RASEF: variants seen among roughly 807,000 people sequenced by gnomAD.
RASEF encodes the protein ras and EF-hand domain-containing protein.
Under a neutral mutation model 90.1 loss-of-function variants are expected in RASEF, and 68 were observed. The observed-to-expected ratio is 0.75, with a 90% CI of 0.62 to 0.92. The LOEUF (loss-of-function observed/expected upper bound fraction) is 0.92. Among genes scored for constraint, RASEF ranks in the 40% least tolerant of loss-of-function variants. RASEF has a pLI of 0.00. For synonymous variants in RASEF, 331 were observed against 345.2 expected (o/e 0.96, Z 0.46); for missense variants, 949 against 937.2 (o/e 1.01, Z -0.16).
intron 1 of RASEF, among the ~76,000 whole-genome samples, chr9:83,036,883 T>C (rs1174637170): frequency 6.6e-6 from 1 of 152,084 alleles, no homozygotes; most frequent in African/African-American, 2.4e-5. Context: ...CATCTTCGTT[T>C]TTTTGTTTTT....
At chr9:83,191,991 G>A in the RASEF span, among the ~76,000 whole-genome samples, 1,944 of 152,132 alleles carry the variant, frequency 0.013, 41 homozygotes, top group African/African-American at 0.044. Flanking sequence ...AATGCAAATC[G>A]AAACCACAAT....
chr9:82,983,107 CCACACACA>C lies in RASEF; in HGVS notation c.2118-333_2118-326del, dbSNP rs10539196. On this transcript the variant is annotated intron_variant, in intron 16 of 16. Coordinates refer to ENST00000376447, the MANE Select transcript of RASEF (RefSeq NM_152573.4). Reference sequence around the variant, plus strand: ...CAGCACCTGTTTTCTGAGTACCAGGCCACACACACACACACACACACACACACACACAC... The same window carrying C: ...CAGCACCTGTTTTCTGAGTACCAGGCCACACACACACACACACACACACAC... 6.6e-3 allele frequency among the ~76,000 whole-genome samples: 852 copies of C among 128,582 alleles called. 6 individuals carry two copies. Among genetic ancestry groups the C allele is most frequent in the Middle Eastern group, 0.016 (4 of 256 alleles). 84.4% of individuals were successfully genotyped at this position (128,582 alleles called of 152,430 possible).
At chr9:83,078,469 C>G in the RASEF span, among the ~76,000 whole-genome samples, 1 of 152,114 alleles carries the variant, frequency 6.6e-6, no homozygotes, top group East Asian at 1.9e-4. Flanking sequence ...GAGTTCAAGA[C>G]CAGCCTGGCC....
chr9:83,034,586 T>C (rs761553425), intron 1 of RASEF, among the ~76,000 whole-genome samples: 3 of 152,188 alleles, frequency 2.0e-5, no homozygotes, highest in Non-Finnish European at 4.4e-5. Flanking sequence ...TTGCTTCCTA[T>C]TTTCAATCAC....
At position 82,982,776 on chromosome 9, in the gene RASEF, C is replaced by T. The variant is rs1828635375; in HGVS notation, c.2124G>A (p.Val708=). Reference sequence around the variant, plus strand: ...TGTCATCCTTGTCAGTTCTCTTTTTCACTTCTCTGAGACAGAGATAGAGAG... The same window carrying T: ...TGTCATCCTTGTCAGTTCTCTTTTTTACTTCTCTGAGACAGAGATAGAGAG... ...VEAVLHLARE[V]KKRTDKDDSR... The change falls in exon 17 of 17, where the codon GTG becomes GTA. Residue 708 remains valine, a synonymous_variant. Transcript: ENST00000376447. 1.3e-6 allele frequency: 2 copies of T among 1,573,426 alleles called. No homozygotes were observed. Among genetic ancestry groups the T allele is most frequent in the South Asian group, 2.2e-5 (2 of 90,076 alleles).
At chr9:83,019,287 T>C (rs1829400849) in intron 3 of RASEF, among the ~76,000 whole-genome samples, 1 of 152,100 alleles carries the variant, frequency 6.6e-6, no homozygotes, top group Non-Finnish European at 1.5e-5. Context: ...AAACTGTATT[T>C]GTAATGAGCC....
chr9:83,206,988 G>T, the RASEF span, among the ~76,000 whole-genome samples: 15 of 152,122 alleles, frequency 9.9e-5, no homozygotes, highest in African/African-American at 3.4e-4. Context: ...CCCTCCTGGA[G>T]ATATGACACC....
chr9:83,144,856 C>T, the RASEF span, among the ~76,000 whole-genome samples: 31 of 152,156 alleles, frequency 2.0e-4, no homozygotes, highest in Admixed American at 3.3e-4. Flanking sequence ...ATCAGTTATA[C>T]ATTTTAAATC....
the RASEF span, among the ~76,000 whole-genome samples, chr9:83,134,449 C>CATAT: frequency 0.013 from 1,859 of 139,228 alleles, 44 homozygotes; most frequent in African/African-American, 0.044. Flanking sequence ...CACACACACA[C>CATAT]ATATATATAT....
chr9:83,062,630 GCCGCCCCCC>G lies in RASEF; in HGVS notation c.229_237del (p.Gly77_Arg79del). ...GGATCCAGAGGACCCCAGTCCCGGC[GCCGCCCCCC>G]GCGGAGGGACCCGAGGAAGCCACGC... is the stretch of plus-strand genomic sequence containing the variant. On this transcript the variant is annotated inframe_deletion, in exon 1 of 17. Coordinates refer to ENST00000376447, the MANE Select transcript of RASEF (RefSeq NM_152573.4). The G allele has an allele frequency of 6.4e-7, 1 of 1,552,400 alleles. No homozygotes were observed. Among genetic ancestry groups the G allele is most frequent in the Non-Finnish European group, 8.7e-7 (1 of 1,154,556 alleles).
At chr9:83,064,114 GATC>G (rs1168811281), upstream of RASEF, among the ~76,000 whole-genome samples, 5 of 152,114 alleles carry the variant, frequency 3.3e-5, no homozygotes, top group African/African-American at 1.2e-4. Context: ...TTAAAAATGT[GATC>G]ATTAAGTAAG....
chr9:83,152,010 T>TA, the RASEF span, among the ~76,000 whole-genome samples: 1 of 152,106 alleles, frequency 6.6e-6, no homozygotes. Flanking sequence ...TTTGTGCTGG[T>TA]GTTTGTCAGT....
chr9:83,147,647 C>T, the RASEF span, among the ~76,000 whole-genome samples: 1 of 152,160 alleles, frequency 6.6e-6, no homozygotes, highest in African/African-American at 2.4e-5. Context: ...TACAGTGCTC[C>T]TTTAGCTCTG....
chr9:82,992,765 T>C (rs1587478278), intron 15 of RASEF, 141 bp downstream of exon 15: 1 of 759,190 alleles, frequency 1.3e-6, no homozygotes, highest in South Asian at 1.9e-5. Context: ...CAGTTTTGCC[T>C]GTGTTAAGGA....
chr9:83,015,437 T>C (rs562716175), intron 4 of RASEF, among the ~76,000 whole-genome samples: 58 of 152,256 alleles, frequency 3.8e-4, no homozygotes, highest in Non-Finnish European at 6.8e-4. Flanking sequence ...TCCCAACACT[T>C]TGGGAGGCTG....
At chr9:82,995,068 C>A (rs1034108093) in intron 14 of RASEF, among the ~76,000 whole-genome samples, 2 of 152,166 alleles carry the variant, frequency 1.3e-5, no homozygotes, top group Non-Finnish European at 2.9e-5. Flanking sequence ...AATTTTTCAT[C>A]CATAACAAAC....
the RASEF span, among the ~76,000 whole-genome samples, chr9:83,136,997 CA>C: frequency 6.6e-6 from 1 of 151,980 alleles, no homozygotes; most frequent in Non-Finnish European, 1.5e-5. Context: ...ATTGAGCAAA[CA>C]TTCTATCCTT....
chr9:83,044,651 C>T (rs1587519289), intron 1 of RASEF, among the ~76,000 whole-genome samples: 1 of 152,138 alleles, frequency 6.6e-6, no homozygotes, highest in East Asian at 1.9e-4. Context: ...CTGTTACTTA[C>T]AAGCTAGAAG....
At chr9:83,093,349 T>C in the RASEF span, among the ~76,000 whole-genome samples, 1 of 151,980 alleles carries the variant, frequency 6.6e-6, no homozygotes, top group South Asian at 2.1e-4. Context: ...GAGCAGGGGG[T>C]GGCACTTGTC....
Sources: gnomAD v4.1 joint callset for allele counts (sites outside exome capture counted in the v4.1 genomes callset) on GRCh38, gnomAD v4.1.1 for gene constraint, MANE v1.5 for transcripts, NCBI Gene and HGNC (gene_info 2026-07-23, HGNC 2026-07-21) for gene names.